The following ITGB5 variants were observed in gnomAD, a reference collection of about 807,000 sequenced individuals.
The protein encoded by ITGB5 is integrin beta-5.
In ITGB5, 38 loss-of-function variants were observed where a neutral mutation model predicts 84.8. The observed-to-expected ratio is 0.45, with a 90% CI of 0.35 to 0.59. The LOEUF (loss-of-function observed/expected upper bound fraction) is 0.59, where lower values mean the gene tolerates loss of function less well. Ranked by LOEUF, ITGB5 falls within the 20% of genes least tolerant of loss-of-function variation. ITGB5 has a pLI of 0.01. For synonymous variants in ITGB5, 393 were observed against 414.4 expected (o/e 0.95, Z 0.63); for missense variants, 905 against 1,034.5 (o/e 0.87, Z 1.72).
intron 13 of ITGB5, among the ~76,000 whole-genome samples, chr3:124,765,581 C>T (rs541023765): frequency 3.3e-5 from 5 of 152,360 alleles, no homozygotes; most frequent in South Asian, 4.1e-4. Flanking sequence ...GTTACTTTCA[C>T]GTCTGTGCTC....
At chr3:124,775,732 G>T (rs1335770232) in intron 10 of ITGB5, among the ~76,000 whole-genome samples, 2 of 152,180 alleles carry the variant, frequency 1.3e-5, no homozygotes, top group Admixed American at 1.3e-4. Flanking sequence ...TACCTGGCTT[G>T]TTAACTGGAT....
intron 2 of ITGB5, among the ~76,000 whole-genome samples, chr3:124,860,926 T>G (rs2065287906): frequency 6.6e-6 from 1 of 152,144 alleles, no homozygotes; most frequent in Non-Finnish European, 1.5e-5. Flanking sequence ...GTCAGCCTGG[T>G]GTGGTGGCTC....
At chr3:124,770,612 T>A (rs949585494) in intron 11 of ITGB5, among the ~76,000 whole-genome samples, 16 of 152,148 alleles carry the variant, frequency 1.1e-4, no homozygotes, top group African/African-American at 3.6e-4. Flanking sequence ...TAAGTCCCCT[T>A]TATTTTACGG....
At chr3:124,809,617 C>T (rs1579232012) in intron 8 of ITGB5, among the ~76,000 whole-genome samples, 1 of 152,050 alleles carries the variant, frequency 6.6e-6, no homozygotes, top group African/African-American at 2.4e-5. Flanking sequence ...TCCTTATCAT[C>T]CTTCAAAATC....
At chr3:124,824,405 A>G (rs1033151115) in intron 5 of ITGB5, among the ~76,000 whole-genome samples, 1 of 152,242 alleles carries the variant, frequency 6.6e-6, no homozygotes, top group Non-Finnish European at 1.5e-5. Context: ...TCATTGACCT[A>G]AACGTAGACC....
At chr3:124,883,342 G>A (rs1052397086) in intron 1 of ITGB5, among the ~76,000 whole-genome samples, 2 of 152,150 alleles carry the variant, frequency 1.3e-5, no homozygotes, top group African/African-American at 2.4e-5. Flanking sequence ...AGCAGGCGGG[G>A]AATACTAATT....
At chr3:124,825,827 T>C (rs753951217) in intron 5 of ITGB5, among the ~76,000 whole-genome samples, 2 of 152,292 alleles carry the variant, frequency 1.3e-5, no homozygotes, top group Non-Finnish European at 2.9e-5. Context: ...CTTGACTCAG[T>C]GATTCTACTT....
chr3:124,817,216 T>C (rs2064615434), intron 8 of ITGB5, among the ~76,000 whole-genome samples: 1 of 152,186 alleles, frequency 6.6e-6, no homozygotes, highest in South Asian at 2.1e-4. Flanking sequence ...TGCAGTGTGG[T>C]CCTGTGGCTG....
intron 1 of ITGB5, among the ~76,000 whole-genome samples, chr3:124,874,118 C>T (rs1934191579): frequency 1.3e-5 from 2 of 148,984 alleles, no homozygotes; most frequent in African/African-American, 4.9e-5. Flanking sequence ...ATAATAATCC[C>T]AACATTTTGG....
chr3:124,764,612 C>A, intron 13 of ITGB5, 55 bp from the exon 14 acceptor site: 1 of 1,539,228 alleles, frequency 6.5e-7, no homozygotes, highest in Non-Finnish European at 8.9e-7. Context: ...ATGCCCCTCT[C>A]ACGCAACTGC....
In ITGB5 at chr3:124,799,539, GAC is replaced by G. The variant is rs1009808845; in HGVS notation, c.1264-2724_1264-2723del. 8.2e-4 allele frequency among the ~76,000 whole-genome samples: 125 copies of G among 152,162 alleles called. 1 individual carries two copies. Among genetic ancestry groups the G allele is most frequent in the African/African-American group, 2.7e-3 (112 of 41,488 alleles). ...CGTGTCACTGCACTCCAGCCTGGACGACAGAGTGAGATCTTGTCTCAAAAAGA... is the reference window on the plus strand; with the variant it reads ...CGTGTCACTGCACTCCAGCCTGGACGAGAGTGAGATCTTGTCTCAAAAAGA... On this transcript the variant is annotated intron_variant, in intron 9 of 14. Coordinates refer to ENST00000296181, the MANE Select transcript of ITGB5 (RefSeq NM_002213.5).
chr3:124,888,508 A>T (rs1934921491), upstream of ITGB5, among the ~76,000 whole-genome samples: 1 of 152,230 alleles, frequency 6.6e-6, no homozygotes, highest in Non-Finnish European at 1.5e-5. Flanking sequence ...AAGAGGCGAC[A>T]TTCAGGTAGG....
chr3:124,844,559 CA>C (rs199633029), intron 4 of ITGB5, among the ~76,000 whole-genome samples: 16 of 146,946 alleles, frequency 1.1e-4, no homozygotes, highest in East Asian at 2.0e-4. Context: ...GACTCGGTCT[CA>C]AAAAAAAAAG....
chr3:124,776,284 A>G (rs1392156053), intron 10 of ITGB5, among the ~76,000 whole-genome samples: 1 of 152,228 alleles, frequency 6.6e-6, no homozygotes, highest in Non-Finnish European at 1.5e-5. Context: ...GAGCCTTGGC[A>G]GCAGGAACTC....
chr3:124,781,713 T>A (rs910618326), intron 10 of ITGB5, among the ~76,000 whole-genome samples: 1 of 152,192 alleles, frequency 6.6e-6, no homozygotes, highest in African/African-American at 2.4e-5. Flanking sequence ...ACTTGCCAAC[T>A]AAGGGCTGTT....
chr3:124,837,391 T>C (rs1158975125), intron 5 of ITGB5, among the ~76,000 whole-genome samples: 2 of 152,076 alleles, frequency 1.3e-5, no homozygotes, highest in African/African-American at 4.8e-5. Flanking sequence ...AGGCTCTGGG[T>C]AAAGATAAGA....
Position 124,765,063 on chromosome 3 carries a change from C to A in ITGB5, c.2138-506G>T, listed in dbSNP as rs190172725. Among the ~76,000 whole-genome samples the A allele has an allele frequency of 2.5e-3, 377 of 152,328 alleles. 3 individuals carry two copies. The highest frequency in any genetic ancestry group is 8.3e-3 in the African/African-American group (344 of 41,578). On this transcript the variant is annotated intron_variant, in intron 13 of 14. Transcript: ENST00000296181. ...CATTGGAAACAAAGCCTCATTCTTA[C>A]AGGCGTGCATCCTAGGCTGGTACCA...
At chr3:124,829,312 C>T (rs2064826027) in intron 5 of ITGB5, among the ~76,000 whole-genome samples, 1 of 152,206 alleles carries the variant, frequency 6.6e-6, no homozygotes, top group Non-Finnish European at 1.5e-5. Flanking sequence ...AAACCAATTT[C>T]GCTAAACATG....
intron 2 of ITGB5, among the ~76,000 whole-genome samples, chr3:124,864,257 C>T (rs1212097621): frequency 6.6e-6 from 1 of 151,374 alleles, no homozygotes; most frequent in Non-Finnish European, 1.5e-5. Flanking sequence ...CAGGTGCCCG[C>T]CACCACGCCC....
Sources: gnomAD v4.1 joint callset for allele counts (sites outside exome capture counted in the v4.1 genomes callset) on GRCh38, gnomAD v4.1.1 for gene constraint, MANE v1.5 for transcripts, NCBI Gene and HGNC (gene_info 2026-07-23, HGNC 2026-07-21) for gene names.